The following NPNT variants were observed in gnomAD, a reference collection of about 807,000 sequenced individuals.
NPNT encodes the protein nephronectin.
NPNT carries 45 observed loss-of-function variants against 68.6 expected under a neutral mutation model. The ratio of observed to expected loss-of-function variants is 0.66; its 90% confidence interval spans 0.52 to 0.84. The LOEUF is 0.84. Among genes scored for constraint, NPNT ranks in the 40% least tolerant of loss-of-function variants. The pLI is 0.00. For missense variants in NPNT, 672 were observed against 714.8 expected, an observed-to-expected ratio of 0.94 and a Z score of 0.68; for synonymous variants, 233 against 253.3, an observed-to-expected ratio of 0.92 and a Z score of 0.76.
intron 8 of NPNT, among the ~76,000 whole-genome samples, chr4:105,950,901 G>C (rs1048077547): frequency 6.6e-6 from 1 of 152,218 alleles, no homozygotes; most frequent in Non-Finnish European, 1.5e-5. Flanking sequence ...GCGATTACAG[G>C]CGTGAGGCAC....
In NPNT at chr4:105,942,349, T is replaced by C. The variant is rs139987066; in HGVS notation, c.806T>C (p.Val269Ala). Residue 269 changes from valine to alanine, a missense_variant, in exon 8 of 12, where the codon GTA becomes GCA. Coordinates refer to ENST00000379987, the MANE Select transcript of NPNT (RefSeq NM_001033047.3). ...VMIEPSGPIH[V>A]PKGNGTILKG... The stretch of plus-strand genomic sequence containing the variant: ...ATTGAACCTTCAGGTCCAATTCATG[T>C]ACCAAAGGGAAATGGTACCATTTTA... The C allele has an allele frequency of 5.4e-5, 87 of 1,611,762 alleles. 1 individual carries two copies. In the Admixed American group the frequency reaches 1.3e-3, roughly 24 times the overall value.
At chr4:105,934,677 TAAC>T (rs1729375048) in intron 3 of NPNT, among the ~76,000 whole-genome samples, 2 of 152,224 alleles carry the variant, frequency 1.3e-5, no homozygotes, top group South Asian at 4.1e-4. Flanking sequence ...TGCCCGTTAA[TAAC>T]AGGTAAAATA....
rs1732456592 is a variant in NPNT, at chr4:105,969,977, G to A, written c.*987G>A. On this transcript the variant is annotated 3_prime_UTR_variant, in exon 12 of 12. Coordinates refer to ENST00000379987, the MANE Select transcript of NPNT (RefSeq NM_001033047.3). ...ATAACATGGCTCTGGTAATATGTAGGAAGCTTTATAAAAGTTTTGGTTGAT... is the reference window on the plus strand; with the variant it reads ...ATAACATGGCTCTGGTAATATGTAGAAAGCTTTATAAAAGTTTTGGTTGAT... The A allele has an allele frequency of 6.0e-6, 1 of 166,570 alleles. No individual in the cohort carries two copies. Among genetic ancestry groups the A allele is most frequent in the Non-Finnish European group, 1.3e-5 (1 of 77,054 alleles). The allele number at this position is 166,570 out of a possible 1,614,324, so 10.3% of individuals were successfully genotyped here.
At chr4:105,898,894 G>A (rs1390170682) in intron 2 of NPNT, among the ~76,000 whole-genome samples, 3 of 152,108 alleles carry the variant, frequency 2.0e-5, no homozygotes, top group Non-Finnish European at 4.4e-5. Context: ...TTGGGGCGGG[G>A]GTAGGGGGCA....
chr4:105,927,640 G>T, intron 3 of NPNT: 1 of 280,924 alleles, frequency 3.6e-6, no homozygotes, highest in Non-Finnish European at 6.7e-6. Flanking sequence ...CTTATTCTCT[G>T]ATACTAATTA....
rs962239373 is a variant in NPNT, at chr4:105,895,948, C to T, written c.71+225C>T. The stretch of plus-strand genomic sequence containing the variant: ...GCGAGTCTGGGACCCCATCCGCGGC[C>T]CCCCGAGGGCGACTCGCCCCGGCTC... On this transcript the variant is annotated intron_variant, in intron 1 of 11. Transcript: ENST00000379987. The T allele has an allele frequency of 1.4e-4, 77 of 545,668 alleles. No homozygotes were observed. In the African/African-American group the frequency reaches 1.4e-3, roughly 10 times the overall value. The allele number at this position is 545,668 out of a possible 1,614,324, so 33.8% of individuals were successfully genotyped here. A position where few individuals can be genotyped will look rare whatever the true frequency, so the allele number is the denominator to read the frequency against.
At chr4:105,899,932 C>G (rs898715706) in intron 2 of NPNT, among the ~76,000 whole-genome samples, 4 of 151,948 alleles carry the variant, frequency 2.6e-5, no homozygotes, top group Non-Finnish European at 5.9e-5. Flanking sequence ...CAGAACAAAC[C>G]AAAAAGAGGC....
At chr4:105,924,788 A>C (rs544938115) in intron 2 of NPNT, among the ~76,000 whole-genome samples, 1 of 152,314 alleles carries the variant, frequency 6.6e-6, no homozygotes, top group African/African-American at 2.4e-5. Context: ...TGTTTTATAA[A>C]GTGTCCTAAA....
rs750868501 is a variant in NPNT, at chr4:105,958,485, T to G, written c.1174T>G (p.Ser392Ala). ...RGDVFIPRQP[S>A]NDLFEIFEIE... The stretch of plus-strand genomic sequence containing the variant: ...TTCTCTTGCAGTTCCACGGCAACCT[T>G]CAAATGACTTGTTTGAAATATTTGA... Residue 392 changes from serine to alanine, a missense_variant, in exon 9 of 12, where the codon TCA (serine) becomes GCA (alanine). Ser to Ala is a moderately conservative substitution (Grantham distance 99, BLOSUM62 1). Coordinates refer to ENST00000379987, the MANE Select transcript of NPNT (RefSeq NM_001033047.3). 9.9e-6 allele frequency: 16 copies of G among 1,610,516 alleles called. No homozygotes were observed. The East Asian group carries it at 3.6e-4, about 36-fold the overall frequency.
intron 2 of NPNT, among the ~76,000 whole-genome samples, chr4:105,924,983 A>G (rs529713808): frequency 2.2e-4 from 34 of 152,236 alleles, no homozygotes; most frequent in African/African-American, 7.5e-4. Flanking sequence ...TCCAGGTTGC[A>G]TGCATATATA....
chr4:105,940,550 G>T lies in NPNT; in HGVS notation c.677G>T (p.Ser226Ile), dbSNP rs201196197. The stretch of plus-strand genomic sequence containing the variant: ...TGCTCACTTGGTCAGTATCAGTGCA[G>T]CAGCTTTGCTCGATGTTATAACATA... Reference protein sequence around the residue: ...DECSLGQYQCSSFARCYNIRG... With the variant: ...DECSLGQYQCISFARCYNIRG... The change falls in exon 7 of 12, where the codon AGC becomes ATC. Residue 226 changes from serine to isoleucine, a missense_variant. By Grantham distance (142) the Ser-to-Ile change is moderately radical. Transcript: ENST00000379987. The T allele has an allele frequency of 3.1e-6, 5 of 1,612,946 alleles. No individual in the cohort carries two copies. Among genetic ancestry groups the T allele is most frequent in the Non-Finnish European group, 4.2e-6 (5 of 1,179,188 alleles).
chr4:105,916,221 C>CT (rs113837315), intron 2 of NPNT, among the ~76,000 whole-genome samples: 11,078 of 146,268 alleles, frequency 0.076, 731 homozygotes, highest in African/African-American at 0.18. Flanking sequence ...TGAATTCGTA[C>CT]TTTTTTTTTT....
At chr4:105,907,332 A>G (rs1321531863) in intron 2 of NPNT, among the ~76,000 whole-genome samples, 1 of 152,216 alleles carries the variant, frequency 6.6e-6, no homozygotes, top group Non-Finnish European at 1.5e-5. Context: ...GATTTTAAAA[A>G]TTATGACTCA....
chr4:105,915,906 C>T (rs947137551), intron 2 of NPNT, among the ~76,000 whole-genome samples: 15 of 152,094 alleles, frequency 9.9e-5, no homozygotes, highest in South Asian at 4.1e-4. Flanking sequence ...ACTATCTCCA[C>T]GGAGGAACAG....
At chr4:105,962,252 G>A (rs1731774762) in intron 10 of NPNT, among the ~76,000 whole-genome samples, 1 of 152,184 alleles carries the variant, frequency 6.6e-6, no homozygotes, top group Non-Finnish European at 1.5e-5. Context: ...TGGTCACTTA[G>A]AAGAGGATGA....
chr4:105,957,421 A>C (rs1302546720), intron 8 of NPNT, among the ~76,000 whole-genome samples: 1 of 152,184 alleles, frequency 6.6e-6, no homozygotes, highest in East Asian at 1.9e-4. Context: ...TAAATCAATG[A>C]TTTAAAGAAA....
chr4:105,933,108 A>C (rs72968694), intron 3 of NPNT, among the ~76,000 whole-genome samples: 3,518 of 152,248 alleles, frequency 0.023, 126 homozygotes, highest in African/African-American at 0.08. Flanking sequence ...AGGTTATCTG[A>C]AAATCAAAGC....
chr4:105,967,288 C>T lies in NPNT; in HGVS notation c.1446C>T (p.Cys482=). Residue 482 remains cysteine, a synonymous_variant, in exon 11 of 12, where the codon TGC becomes TGT. Coordinates refer to ENST00000379987, the MANE Select transcript of NPNT (RefSeq NM_001033047.3). ...LGRLMHSGDL[C]LSFRHKVTGL... ...GCCTCATGCATTCAGGGGACCTGTG[C>T]CTGTCATTCAGGCACAAGGTGACGG... is the stretch of plus-strand genomic sequence containing the variant. The T allele has an allele frequency of 6.2e-7, 1 of 1,614,010 alleles. No individual in the cohort carries two copies. The highest frequency in any genetic ancestry group is 8.5e-7 in the Non-Finnish European group (1 of 1,180,000).
At position 105,958,836 on chromosome 4, in the gene NPNT, C is replaced by T. The variant is rs941295662; in HGVS notation, c.1247-192C>T. Reference sequence around the variant, plus strand: ...TATAATTTGGCAACACTTGTGTGTTCTATTTTTACAGATGATGCACTATTG... The same window carrying T: ...TATAATTTGGCAACACTTGTGTGTTTTATTTTTACAGATGATGCACTATTG... On this transcript the variant is annotated intron_variant, in intron 9 of 11. Coordinates refer to ENST00000379987, the MANE Select transcript of NPNT (RefSeq NM_001033047.3). The T allele has an allele frequency of 1.4e-5, 8 of 564,942 alleles. No homozygotes were observed. In the African/African-American group the frequency reaches 1.5e-4, roughly 11 times the overall value. The allele number at this position is 564,942 out of a possible 1,614,324, so 35.0% of individuals were successfully genotyped here. A position where few individuals can be genotyped will look rare whatever the true frequency, so the allele number is the denominator to read the frequency against.
Sources: gnomAD v4.1 joint callset for allele counts (sites outside exome capture counted in the v4.1 genomes callset) on GRCh38, gnomAD v4.1.1 for gene constraint, MANE v1.5 for transcripts, NCBI Gene and HGNC (gene_info 2026-07-23, HGNC 2026-07-21) for gene names.